Variants in RNF115 observed in about 807,000 individuals in gnomAD.
RNF115 encodes the protein E3 ubiquitin-protein ligase RNF115.
In RNF115, 31 loss-of-function variants were observed where a neutral mutation model predicts 39.2. The observed-to-expected ratio is 0.79, with a 90% CI of 0.59 to 1.07. The LOEUF is 1.07. Among genes scored for constraint, RNF115 ranks in the 50% least tolerant of loss-of-function variants. The probability of loss-of-function intolerance (pLI) is 0.00; values close to 1 mark genes in which losing one functional copy is unlikely to be tolerated. For missense variants in RNF115, 384 were observed against 381.7 expected, an observed-to-expected ratio of 1.01 and a Z score of -0.05; for synonymous variants, 124 against 131.0, an observed-to-expected ratio of 0.95 and a Z score of 0.37.
chr1:145,806,394 A>G (rs1180784992), intron 1 of RNF115, among the ~76,000 whole-genome samples: 3 of 152,166 alleles, frequency 2.0e-5, no homozygotes, highest in Non-Finnish European at 4.4e-5. Flanking sequence ...AAATTTAAAG[A>G]AAGCCAAAAG....
intron 4 of RNF115, among the ~76,000 whole-genome samples, chr1:145,759,445 G>T (rs975762150): frequency 6.6e-6 from 1 of 151,970 alleles, no homozygotes; most frequent in Non-Finnish European, 1.5e-5. Flanking sequence ...TTGTTTTCAG[G>T]CCAAAAACCT....
Position 145,771,838 on chromosome 1 carries a change from T to C in RNF115, c.301A>G (p.Arg101Gly), listed in dbSNP as rs1647657895. The change falls in exon 4 of 9, where the codon AGA becomes GGA. Residue 101 changes from arginine to glycine, a missense_variant. By Grantham distance (125) the Arg-to-Gly change is moderately radical. Transcript: ENST00000582693. Reference sequence around the variant, plus strand: ...GTCTGGTGACCCCTTTCATTGGCTCTATTATCTTGGTCCAGTGGACTGCTA... The same window carrying C: ...GTCTGGTGACCCCTTTCATTGGCTCCATTATCTTGGTCCAGTGGACTGCTA... ...LSSSPLDQDN[R>G]ANERGHQTHT... is the part of the protein sequence containing the mutation. 3 of 1,614,040 alleles carry C rather than the reference T, an allele frequency of 1.9e-6. No individual in the cohort carries two copies. Among genetic ancestry groups the C allele is most frequent in the Non-Finnish European group, 1.7e-6 (2 of 1,179,994 alleles).
intron 4 of RNF115, among the ~76,000 whole-genome samples, chr1:145,766,263 T>C (rs187945198): frequency 6.6e-6 from 1 of 152,194 alleles, no homozygotes; most frequent in African/African-American, 2.4e-5. Context: ...TTAATCCATT[T>C]AACCCTGAGT....
At chr1:145,789,700 CTTTTTTTTTTTT>C (rs67276251) in intron 1 of RNF115, among the ~76,000 whole-genome samples, 3 of 86,766 alleles carry the variant, frequency 3.5e-5, no homozygotes, top group East Asian at 3.6e-4. Context: ...ACCCGGACTT[CTTTTTTTTTTTT>C]TTTTTTTTTT....
Position 145,751,363 on chromosome 1 carries a change from TAGC to T in RNF115, c.573+72_573+74del, listed in dbSNP as rs782049225. 5.8e-6 allele frequency: 6 copies of T among 1,031,896 alleles called. No homozygotes were observed. The South Asian group carries it at 8.7e-5, about 15-fold the overall frequency. 63.9% of individuals were successfully genotyped at this position (1,031,896 alleles called of 1,614,324 possible). On this transcript the variant is annotated intron_variant, in intron 6 of 8. Coordinates refer to ENST00000582693, the MANE Select transcript of RNF115 (RefSeq NM_014455.4). ...GCAGAGTGACTGCCATTTCAGAAAG[TAGC>T]AGAAGGAAAGCAGGAAGCCTGTGGA...
Position 145,748,123 on chromosome 1 carries a change from G to A in RNF115, c.668-13C>T, listed in dbSNP as rs1276933359. ...TCTAAACCCATATCTGTTGAAGAAG[G>A]AAATGCCTTTTAAAGTAAACAGGCA... On this transcript the variant is annotated splice_polypyrimidine_tract_variant and intron_variant, in intron 7 of 8. Coordinates refer to ENST00000582693, the MANE Select transcript of RNF115 (RefSeq NM_014455.4). 1.6e-5 allele frequency: 25 copies of A among 1,577,830 alleles called. No individual in the cohort carries two copies. Among genetic ancestry groups the A allele is most frequent in the Middle Eastern group, 1.7e-4 (1 of 6,004 alleles).
At chr1:145,815,616 A>G (rs1649957416) in intron 1 of RNF115, among the ~76,000 whole-genome samples, 1 of 151,522 alleles carries the variant, frequency 6.6e-6, no homozygotes, top group Non-Finnish European at 1.5e-5. Flanking sequence ...TCAATGTAGC[A>G]CACTAACTCC....
At chr1:145,748,441 A>G (rs587639788) in intron 7 of RNF115, among the ~76,000 whole-genome samples, 1 of 152,278 alleles carries the variant, frequency 6.6e-6, no homozygotes, top group Admixed American at 6.5e-5. Flanking sequence ...TAAAACAGGA[A>G]AAACATCTTC....
intron 4 of RNF115, among the ~76,000 whole-genome samples, chr1:145,767,873 T>A (rs797035965): frequency 4.6e-5 from 7 of 152,266 alleles, no homozygotes; most frequent in African/African-American, 1.7e-4. Context: ...CTCGGCAGGC[T>A]GAGGCAGGAG....
At chr1:145,780,084 C>T (rs1448036754) in intron 3 of RNF115, among the ~76,000 whole-genome samples, 1 of 151,772 alleles carries the variant, frequency 6.6e-6, no homozygotes, top group Non-Finnish European at 1.5e-5. Context: ...AAAAATTAGC[C>T]AGGTTTGGCG....
intron 2 of RNF115, among the ~76,000 whole-genome samples, chr1:145,788,233 C>T (rs1243926939): frequency 1.3e-5 from 2 of 152,148 alleles, no homozygotes; most frequent in African/African-American, 4.8e-5. Context: ...AGGCGCCCGC[C>T]ACTATACCCA....
At chr1:145,800,566 CT>C (rs1230661032) in intron 1 of RNF115, among the ~76,000 whole-genome samples, 4 of 152,134 alleles carry the variant, frequency 2.6e-5, no homozygotes, top group Non-Finnish European at 5.9e-5. Context: ...TCTTGGAACC[CT>C]GAGCAGCCAC....
At chr1:145,763,352 C>G (rs1553714114) in intron 4 of RNF115, among the ~76,000 whole-genome samples, 1 of 152,052 alleles carries the variant, frequency 6.6e-6, no homozygotes, top group African/African-American at 2.4e-5. Flanking sequence ...AGGAAGGAGA[C>G]TAAACTACCA....
chr1:145,795,615 G>A (rs587717683), intron 1 of RNF115, among the ~76,000 whole-genome samples: 8 of 152,188 alleles, frequency 5.3e-5, no homozygotes, highest in East Asian at 3.9e-4. Context: ...GAAGCTCAGC[G>A]GGCTTCACCT....
chr1:145,771,993 A>G (rs1647664700), intron 3 of RNF115, 74 bp from the exon 4 acceptor site: 1 of 1,193,584 alleles, frequency 8.4e-7, no homozygotes, highest in Non-Finnish European at 1.2e-6. Context: ...ACAGTTTTTT[A>G]TATTACAAAT....
At position 145,818,141 on chromosome 1, in the gene RNF115, G is replaced by C. The variant is rs1409931456; in HGVS notation, c.102+5631C>G. Among the ~76,000 whole-genome samples the C allele has an allele frequency of 4.3e-4, 65 of 151,968 alleles. No individual in the cohort carries two copies. In the Middle Eastern group the frequency reaches 0.014, roughly 32 times the overall value. ...CCAGTAATGGATTGCTGGGCAGAAT[G>C]GTAGTTCCGTTTTAAGTTCTTTGGG... On this transcript the variant is annotated intron_variant, in intron 1 of 8. Coordinates refer to ENST00000582693, the MANE Select transcript of RNF115 (RefSeq NM_014455.4).
chr1:145,766,524 G>A (rs1368214512), intron 4 of RNF115, among the ~76,000 whole-genome samples: 9 of 151,602 alleles, frequency 5.9e-5, no homozygotes, highest in Non-Finnish European at 1.3e-4. Flanking sequence ...CCTCCCAGAC[G>A]GGGTGGTGGC....
intron 4 of RNF115, among the ~76,000 whole-genome samples, chr1:145,764,909 G>A (rs2917108): frequency 6.6e-6 from 1 of 152,212 alleles, no homozygotes; most frequent in Non-Finnish European, 1.5e-5. Context: ...CCACCACCCC[G>A]TCTAGGAGGT....
chr1:145,780,852 T>C (rs1375972446), intron 3 of RNF115, among the ~76,000 whole-genome samples: 3 of 152,130 alleles, frequency 2.0e-5, no homozygotes, highest in Non-Finnish European at 2.9e-5. Flanking sequence ...ACTCTTGCAC[T>C]GAAGCAATCC....
Sources: allele counts gnomAD v4.1 joint callset (sites outside exome capture counted in the v4.1 genomes callset), GRCh38; gene constraint gnomAD v4.1.1; transcripts MANE v1.5; gene names NCBI Gene and HGNC (gene_info 2026-07-23, HGNC 2026-07-21).